The following FILIP1L variants were observed in gnomAD, a reference collection of about 807,000 sequenced individuals.
FILIP1L encodes the protein filamin A interacting protein 1 like.
A neutral mutation model predicts 96.6 loss-of-function variants in FILIP1L; 55 were observed. The observed-to-expected ratio is 0.57, with a 90% CI of 0.46 to 0.71. FILIP1L has a LOEUF of 0.71. Ranked by LOEUF, FILIP1L falls within the 30% of genes least tolerant of loss-of-function variation. The probability of loss-of-function intolerance (pLI) is 0.00; values close to 1 mark genes in which losing one functional copy is unlikely to be tolerated. For missense variants in FILIP1L, 1,304 were observed against 1,321.2 expected (o/e 0.99, Z 0.20); for synonymous variants, 467 against 473.9 (o/e 0.99, Z 0.19).
intron 4 of FILIP1L, among the ~76,000 whole-genome samples, chr3:99,919,929 C>G (rs1238589487): frequency 6.6e-6 from 1 of 152,360 alleles, no homozygotes; most frequent in East Asian, 1.9e-4. Flanking sequence ...ACTGTTCTAT[C>G]TAGTCAAACT....
chr3:100,080,868 C>T (rs1318852243), intron 1 of FILIP1L, among the ~76,000 whole-genome samples: 1 of 152,180 alleles, frequency 6.6e-6, no homozygotes, highest in African/African-American at 2.4e-5. Flanking sequence ...TACACTTTTC[C>T]TGCCATGGTT....
chr3:100,086,288 A>G (rs1460856606), intron 1 of FILIP1L, among the ~76,000 whole-genome samples: 3 of 152,236 alleles, frequency 2.0e-5, no homozygotes, highest in African/African-American at 7.2e-5. Flanking sequence ...CACAGAAGAA[A>G]GGGACAGAAA....
At chr3:100,098,179 C>T (rs2107451201) in intron 1 of FILIP1L, among the ~76,000 whole-genome samples, 1 of 152,270 alleles carries the variant, frequency 6.6e-6, no homozygotes, top group East Asian at 1.9e-4. Context: ...CTGTGATTCC[C>T]TCACCAGTTA....
At chr3:99,885,755 G>C (rs980171000) in intron 4 of FILIP1L, among the ~76,000 whole-genome samples, 6 of 151,954 alleles carry the variant, frequency 3.9e-5, no homozygotes, top group African/African-American at 1.4e-4. Flanking sequence ...CCTCCTCTCT[G>C]CCCAAAAGAC....
intron 1 of FILIP1L, among the ~76,000 whole-genome samples, chr3:100,021,141 G>A (rs557586858): frequency 6.6e-6 from 1 of 152,252 alleles, no homozygotes; most frequent in African/African-American, 2.4e-5. Context: ...AAATCCTGAC[G>A]CAAAATTCCC....
intron 4 of FILIP1L, chr3:99,898,603 CA>C: frequency 5.4e-6 from 1 of 185,756 alleles, no homozygotes; most frequent in South Asian, 7.7e-5. Flanking sequence ...TCTGTCTCTA[CA>C]AAAATACAAA....
At chr3:99,860,500 A>C (rs970241466) in intron 4 of FILIP1L, among the ~76,000 whole-genome samples, 4 of 152,200 alleles carry the variant, frequency 2.6e-5, no homozygotes, top group African/African-American at 9.6e-5. Context: ...AAAGTAACTG[A>C]GAAAAAGGGT....
intron 4 of FILIP1L, among the ~76,000 whole-genome samples, chr3:99,920,977 CT>C (rs1337534917): frequency 6.6e-6 from 1 of 152,130 alleles, no homozygotes; most frequent in Admixed American, 6.5e-5. Context: ...CCAGATACCC[CT>C]TTGTATCTAT....
intron 1 of FILIP1L, among the ~76,000 whole-genome samples, chr3:100,094,401 G>T (rs2066165400): frequency 6.6e-6 from 1 of 151,990 alleles, no homozygotes; most frequent in Non-Finnish European, 1.5e-5. Flanking sequence ...TCCCTTAACA[G>T]GATCTTTCAT....
intron 5 of FILIP1L, among the ~76,000 whole-genome samples, chr3:99,844,346 C>G (rs993006136): frequency 6.6e-6 from 1 of 152,108 alleles, no homozygotes; most frequent in African/African-American, 2.4e-5. Flanking sequence ...CTGAGATACG[C>G]TGATCTATAA....
rs528774381 is a variant in FILIP1L, at chr3:99,835,798, A to G, written c.3382-5193T>C. 1.9e-3 allele frequency among the ~76,000 whole-genome samples: 284 copies of G among 152,344 alleles called. 1 individual carries two copies. The highest frequency in any genetic ancestry group is 6.6e-3 in the African/African-American group (273 of 41,576). ...GTGCAATAATAGAATTACAGACAGC[A>G]GTTTTGGAAACTCAGTGGAAAACTA... On this transcript the variant is annotated intron_variant, in intron 5 of 5. Transcript: ENST00000477258.
At chr3:99,961,905 A>C (rs1471433884) in intron 1 of FILIP1L, among the ~76,000 whole-genome samples, 1 of 67,364 alleles carries the variant, frequency 1.5e-5, no homozygotes, top group Admixed American at 1.2e-4. Context: ...CTAGGGAAGC[A>C]CTGAGGGACC....
chr3:100,091,643 C>T (rs564384581), intron 1 of FILIP1L, among the ~76,000 whole-genome samples: 1 of 152,310 alleles, frequency 6.6e-6, no homozygotes, highest in East Asian at 1.9e-4. Context: ...CCCACATAAT[C>T]TTTTTATCTG....
At chr3:100,031,333 A>C (rs1359205931) in intron 1 of FILIP1L, among the ~76,000 whole-genome samples, 1 of 152,148 alleles carries the variant, frequency 6.6e-6, no homozygotes, top group Non-Finnish European at 1.5e-5. Flanking sequence ...ACTTTCATCT[A>C]GCAGTCCAAT....
chr3:99,973,484 CTCTG>C (rs1262587925), intron 1 of FILIP1L, among the ~76,000 whole-genome samples: 2 of 152,082 alleles, frequency 1.3e-5, no homozygotes, highest in Admixed American at 6.5e-5. Context: ...ATGAAAATTC[CTCTG>C]TCTTTTTTTT....
intron 3 of FILIP1L, among the ~76,000 whole-genome samples, chr3:99,927,787 C>G (rs1449033873): frequency 1.3e-5 from 2 of 152,032 alleles, no homozygotes; most frequent in Non-Finnish European, 2.9e-5. Flanking sequence ...GGTCAAAACT[C>G]TTGTGGACTG....
At chr3:99,980,312 A>G (rs1489785715) in intron 1 of FILIP1L, among the ~76,000 whole-genome samples, 2 of 152,102 alleles carry the variant, frequency 1.3e-5, no homozygotes, top group Non-Finnish European at 2.9e-5. Context: ...TCTGTATCTC[A>G]GTTTGCTCAC....
At chr3:99,858,613 G>A (rs1382223466) in intron 4 of FILIP1L, among the ~76,000 whole-genome samples, 1 of 152,154 alleles carries the variant, frequency 6.6e-6, no homozygotes, top group East Asian at 1.9e-4. Context: ...TGCAACTAAT[G>A]TCTGGCTTAA....
chr3:99,967,657 C>T (rs1424740774), intron 1 of FILIP1L, among the ~76,000 whole-genome samples: 2 of 152,280 alleles, frequency 1.3e-5, no homozygotes, highest in East Asian at 1.9e-4. Flanking sequence ...TTTTTGATAA[C>T]GTTCTTTGGG....
Sources: allele counts gnomAD v4.1 joint callset (sites outside exome capture counted in the v4.1 genomes callset), GRCh38; gene constraint gnomAD v4.1.1; transcripts MANE v1.5; gene names NCBI Gene and HGNC (gene_info 2026-07-23, HGNC 2026-07-21).